CD2AP: variants seen among roughly 807,000 people sequenced by gnomAD.
CD2AP encodes the protein CD2-associated protein.
A neutral mutation model predicts 85.1 loss-of-function variants in CD2AP; 46 were observed. That is an observed-to-expected ratio of 0.54 (90% CI 0.43 to 0.69). The LOEUF is 0.69. Among genes scored for constraint, CD2AP ranks in the 30% least tolerant of loss-of-function variants. The pLI is 0.00. For missense variants in CD2AP, 769 were observed against 729.5 expected (o/e 1.05, Z -0.62); for synonymous variants, 255 against 252.9 (o/e 1.01, Z -0.08).
chr6:47,583,423 A>G (rs1768535268), intron 11 of CD2AP, among the ~76,000 whole-genome samples: 2 of 152,136 alleles, frequency 1.3e-5, no homozygotes, highest in South Asian at 2.1e-4. Context: ...CTACCTATTC[A>G]TCTGTCCTTC....
intron 13 of CD2AP, among the ~76,000 whole-genome samples, chr6:47,602,239 CAT>C (rs1769161442): frequency 6.6e-6 from 1 of 151,704 alleles, no homozygotes; most frequent in African/African-American, 2.4e-5. Flanking sequence ...TTTTTAATGA[CAT>C]GACATAACTT....
chr6:47,561,771 C>CATTTATTT (rs111626634), intron 5 of CD2AP, among the ~76,000 whole-genome samples: 1 of 152,006 alleles, frequency 6.6e-6, no homozygotes, highest in Non-Finnish European at 1.5e-5. Context: ...GTTTGCTTTA[C>CATTTATTT]ATTTATTTAT....
At chr6:47,505,055 T>A (rs1489715788) in intron 2 of CD2AP, among the ~76,000 whole-genome samples, 2 of 137,792 alleles carry the variant, frequency 1.5e-5, no homozygotes, top group African/African-American at 5.4e-5. Flanking sequence ...TTTTTATTGA[T>A]AATTCTTGGG....
chr6:47,478,190 C>T lies in CD2AP; in HGVS notation c.-55C>T, dbSNP rs1227693743. On this transcript the variant is annotated 5_prime_UTR_variant, in exon 1 of 18. Transcript: ENST00000359314. ...GCGGGAGCGGCCGCGCGAGCCACCA[C>T]TGGAGGAGGAGGAGGAGGAGCGGAC... The T allele has an allele frequency of 4.9e-6, 7 of 1,430,412 alleles. No homozygotes were observed. In the East Asian group the frequency reaches 1.8e-4, roughly 38 times the overall value. The allele number at this position is 1,430,412 out of a possible 1,614,324, so 88.6% of individuals were successfully genotyped here. A position where few individuals can be genotyped will look rare whatever the true frequency, so the allele number is the denominator to read the frequency against.
intron 3 of CD2AP, among the ~76,000 whole-genome samples, chr6:47,541,617 T>G (rs1029089842): frequency 3.9e-5 from 6 of 152,216 alleles, no homozygotes; most frequent in African/African-American, 7.2e-5. Flanking sequence ...GTAGTGTGCT[T>G]CTTTTGTTGT....
chr6:47,523,869 G>C (rs555351401), intron 2 of CD2AP, among the ~76,000 whole-genome samples: 7 of 152,220 alleles, frequency 4.6e-5, no homozygotes, highest in African/African-American at 1.7e-4. Flanking sequence ...CACAGACATA[G>C]TATATGTTGA....
In CD2AP at chr6:47,478,251, A is replaced by G. The variant is rs1765355993; in HGVS notation, c.4+3A>G. 1 of 1,572,696 alleles carries G rather than the reference A, an allele frequency of 6.4e-7. No homozygotes were observed. Among genetic ancestry groups the G allele is most frequent in the South Asian group, 1.2e-5 (1 of 85,792 alleles). ...CCCCGCGGGAGCCCCCAGCATGGGT[A>G]AGAGACTCGGGCGCTTCCCGCCGCC... On this transcript the variant is annotated splice_donor_region_variant and intron_variant, in intron 1 of 17. Transcript: ENST00000359314.
chr6:47,509,523 G>A (rs1277221739), intron 2 of CD2AP, among the ~76,000 whole-genome samples: 3 of 152,174 alleles, frequency 2.0e-5, no homozygotes, highest in Non-Finnish European at 4.4e-5. Flanking sequence ...GTTTTCAGAG[G>A]TGAAGTAACT....
chr6:47,614,652 T>TTGAAAGTGATA (rs1472508015), intron 17 of CD2AP, among the ~76,000 whole-genome samples: 1 of 152,196 alleles, frequency 6.6e-6, no homozygotes, highest in Non-Finnish European at 1.5e-5. Context: ...TACAAAGTGA[T>TTGAAAGTGATA]CACATATTGT....
intron 1 of CD2AP, among the ~76,000 whole-genome samples, chr6:47,491,269 GTA>G (rs748286077): frequency 0.056 from 5,680 of 101,968 alleles, 115 homozygotes; most frequent in South Asian, 0.094. Flanking sequence ...ATGTGTGTGT[GTA>G]TGTGTGTGTG....
At chr6:47,620,798 T>C (rs1298492990) in intron 17 of CD2AP, among the ~76,000 whole-genome samples, 1 of 152,186 alleles carries the variant, frequency 6.6e-6, no homozygotes, top group Non-Finnish European at 1.5e-5. Context: ...TTTATTTTAT[T>C]TTTTTGCAGA....
chr6:47,519,210 T>C (rs1766524683), intron 2 of CD2AP, among the ~76,000 whole-genome samples: 1 of 152,136 alleles, frequency 6.6e-6, no homozygotes, highest in Non-Finnish European at 1.5e-5. Flanking sequence ...ACAAAAATGC[T>C]TGGGGAGGTG....
chr6:47,533,710 G>A lies in CD2AP; in HGVS notation c.274G>A (p.Ala92Thr). 6.2e-7 allele frequency: 1 copy of A among 1,614,122 alleles called. No individual in the cohort carries two copies. The highest frequency in any genetic ancestry group is 8.5e-7 in the Non-Finnish European group (1 of 1,180,000). ...ACGAATAAGCACCTATGGACTTCCA[G>A]CTGGAGGAATTCAGCCACATCCACA... ...VQRISTYGLP[A>T]GGIQPHPQTK... The change falls in exon 3 of 18, where the codon GCT (alanine) becomes ACT (threonine). Residue 92 changes from alanine to threonine, a missense_variant. Physicochemically the swap from Ala to Thr is moderately conservative, Grantham distance 58 (BLOSUM62 0). Coordinates refer to ENST00000359314, the MANE Select transcript of CD2AP (RefSeq NM_012120.3).
At chr6:47,532,822 A>G (rs1248546527) in intron 2 of CD2AP, among the ~76,000 whole-genome samples, 4 of 152,214 alleles carry the variant, frequency 2.6e-5, no homozygotes, top group South Asian at 2.1e-4. Flanking sequence ...TATTACATCA[A>G]TTTTAAGGGA....
intron 2 of CD2AP, among the ~76,000 whole-genome samples, chr6:47,503,935 A>G (rs1200774585): frequency 6.6e-6 from 1 of 152,220 alleles, no homozygotes; most frequent in Non-Finnish European, 1.5e-5. Flanking sequence ...TGGTCTTCTC[A>G]TTATATTTTG....
At chr6:47,479,691 G>A (rs1453265592) in intron 1 of CD2AP, among the ~76,000 whole-genome samples, 2 of 152,130 alleles carry the variant, frequency 1.3e-5, no homozygotes, top group Admixed American at 6.5e-5. Flanking sequence ...GTTCTTTTCT[G>A]TCTTAAATGG....
Position 47,579,530 on chromosome 6 carries a change from C to A in CD2AP, c.1008+41C>A, listed in dbSNP as rs776063896. 1.0e-5 allele frequency: 13 copies of A among 1,243,394 alleles called. 1 individual carries two copies. The Admixed American group carries it at 2.2e-4, about 21-fold the overall frequency. The allele number at this position is 1,243,394 out of a possible 1,614,324, so 77.0% of individuals were successfully genotyped here. A position where few individuals can be genotyped will look rare whatever the true frequency, so the allele number is the denominator to read the frequency against. On this transcript the variant is annotated intron_variant, in intron 9 of 17. Transcript: ENST00000359314. ...TCAATGATGATAATACTTGAAAGAA[C>A]ATTTTGCCACTATTCTTTTGCAAAC... is the stretch of plus-strand genomic sequence containing the variant.
chr6:47,508,637 C>G (rs1440021207), intron 2 of CD2AP, among the ~76,000 whole-genome samples: 4 of 151,576 alleles, frequency 2.6e-5, no homozygotes, highest in African/African-American at 4.9e-5. Context: ...CCTCTGCCTC[C>G]CAGGTTCAAG....
intron 14 of CD2AP, 78 bp downstream of exon 14, chr6:47,606,355 T>C: frequency 1.2e-6 from 1 of 856,780 alleles, no homozygotes. Context: ...GACTTATAGC[T>C]CTACCTAAGT....
Sources: gnomAD v4.1 joint callset for allele counts (sites outside exome capture counted in the v4.1 genomes callset) on GRCh38, gnomAD v4.1.1 for gene constraint, MANE v1.5 for transcripts, NCBI Gene and HGNC (gene_info 2026-07-23, HGNC 2026-07-21) for gene names.